Variants in PDE5A observed in about 807,000 individuals in gnomAD.
The protein encoded by PDE5A is phosphodiesterase 5A.
In PDE5A, 67 loss-of-function variants were observed where a neutral mutation model predicts 110.2. The ratio of observed to expected loss-of-function variants is 0.61; its 90% CI spans 0.50 to 0.75. The LOEUF is 0.75. Ranked by LOEUF, PDE5A falls within the 30% of genes least tolerant of loss-of-function variation. The pLI is 0.00. For synonymous variants in PDE5A, 328 were observed against 351.2 expected, an observed-to-expected ratio of 0.93 and a Z score of 0.74; for missense variants, 862 against 1,045.1, an observed-to-expected ratio of 0.82 and a Z score of 2.42.
intron 11 of PDE5A, among the ~76,000 whole-genome samples, chr4:119,533,109 TA>T (rs1726604505): frequency 6.6e-6 from 1 of 152,198 alleles, no homozygotes; most frequent in African/African-American, 2.4e-5. Flanking sequence ...TATTTTGTTA[TA>T]TTGCTCCTTG....
At chr4:119,611,031 G>A (rs1003261829) in intron 1 of PDE5A, among the ~76,000 whole-genome samples, 11 of 151,996 alleles carry the variant, frequency 7.2e-5, no homozygotes, top group African/African-American at 9.7e-5. Context: ...GGTTCCTCTC[G>A]CCCATGCCAG....
intron 2 of PDE5A, among the ~76,000 whole-genome samples, chr4:119,601,562 C>T (rs539969424): frequency 2.0e-5 from 3 of 151,954 alleles, no homozygotes; most frequent in South Asian, 2.1e-4. Context: ...TCTTGAGTTC[C>T]GTGGGTCATT....
At chr4:119,608,984 C>A (rs562943566) in intron 1 of PDE5A, among the ~76,000 whole-genome samples, 3 of 152,024 alleles carry the variant, frequency 2.0e-5, no homozygotes, top group East Asian at 1.9e-4. Context: ...CATGGTGAAA[C>A]CCCGTCTCTA....
chr4:119,624,141 C>T (rs573903156), intron 1 of PDE5A, among the ~76,000 whole-genome samples: 2 of 152,156 alleles, frequency 1.3e-5, no homozygotes, highest in South Asian at 4.2e-4. Context: ...ACCAGAATTA[C>T]CATTATAAAA....
Position 119,606,745 on chromosome 4 carries a change from C to A in PDE5A, c.705G>T (p.Ala235=). 2.5e-6 allele frequency: 4 copies of A among 1,614,146 alleles called. No individual in the cohort carries two copies. The highest frequency in any genetic ancestry group is 2.2e-5 in the East Asian group (1 of 44,886). The change falls in exon 2 of 21, where the codon GCG becomes GCT. Residue 235 remains alanine (A), a synonymous_variant. Transcript: ENST00000354960. ...CTTTGATGTTCAAGGGCTCACCAAG[C>A]GCTGCCACATGTCCCACAATGCCTT... is the stretch of plus-strand genomic sequence containing the variant. ...WNKGIVGHVA[A]LGEPLNIKDA...
intron 1 of PDE5A, among the ~76,000 whole-genome samples, chr4:119,613,357 T>G (rs1436256138): frequency 6.6e-6 from 1 of 152,192 alleles, no homozygotes; most frequent in Admixed American, 6.5e-5. Flanking sequence ...TTTGATAGAA[T>G]TAACTTTAAT....
rs1266863941 is a variant in PDE5A at position 119,496,669 on chromosome 4, ATTC to A, written c.*1929_*1931del. Reference sequence around the variant, plus strand: ...ATAAAAAGGTTTATTAAAGATTGCTATTCTTTATGCAATTTTTCTATACTAAGG... The same window carrying A: ...ATAAAAAGGTTTATTAAAGATTGCTATTTATGCAATTTTTCTATACTAAGG... On this transcript the variant is annotated 3_prime_UTR_variant, in exon 21 of 21. Transcript: ENST00000354960. 2.0e-5 allele frequency: 3 copies of A among 152,470 alleles called. No homozygotes were observed. Among genetic ancestry groups the A allele is most frequent in the African/African-American group, 2.4e-5 (1 of 41,448 alleles). The allele number at this position is 152,470 out of a possible 1,614,324, so 9.4% of individuals were successfully genotyped here. A position where few individuals can be genotyped will look rare whatever the true frequency, so the allele number is the denominator to read the frequency against.
intron 1 of PDE5A, among the ~76,000 whole-genome samples, chr4:119,607,950 C>T (rs955979814): frequency 6.6e-6 from 1 of 152,076 alleles, no homozygotes; most frequent in African/African-American, 2.4e-5. Context: ...TAAATATGCA[C>T]ATTAATTTGA....
intron 3 of PDE5A, among the ~76,000 whole-genome samples, chr4:119,580,754 C>T (rs887260273): frequency 1.3e-5 from 2 of 152,218 alleles, no homozygotes; most frequent in Admixed American, 6.5e-5. Flanking sequence ...CAAAGTCAGA[C>T]CTCTTTCTTT....
Position 119,606,890 on chromosome 4 carries a change from A to G in PDE5A, c.560T>C (p.Leu187Pro). The change falls in exon 2 of 21, where the codon CTG (leucine) becomes CCG (proline). Residue 187 changes from leucine (L) to proline (P), a missense_variant. Leu to Pro is a moderately conservative substitution (Grantham distance 98). Transcript: ENST00000354960. ...GGAGCTGTCTTCACAGACAAGGAAC[A>G]GGGAATAGCGGTCAGCAGATATCAG... ...HGLISADRYS[L>P]FLVCEDSSND... 1.2e-6 allele frequency: 2 copies of G among 1,614,282 alleles called. No individual in the cohort carries two copies. The highest frequency in any genetic ancestry group is 1.7e-6 in the Non-Finnish European group (2 of 1,180,048).
intron 3 of PDE5A, among the ~76,000 whole-genome samples, chr4:119,592,726 T>A (rs1052276229): frequency 2.6e-5 from 4 of 152,122 alleles, no homozygotes; most frequent in African/African-American, 9.7e-5. Context: ...GATTTTCAAA[T>A]TAGGTATACT....
chr4:119,536,160 G>T (rs1158218617), intron 11 of PDE5A, among the ~76,000 whole-genome samples: 1 of 152,110 alleles, frequency 6.6e-6, no homozygotes, highest in Non-Finnish European at 1.5e-5. Flanking sequence ...GCAATTTTCA[G>T]TTATTCAAAA....
Position 119,519,157 on chromosome 4 carries a change from T to C in PDE5A, c.1906-18A>G. On this transcript the variant is annotated intron_variant, in intron 13 of 20. Transcript: ENST00000354960. ...AGCTTGTTCTGCATGACCAAAGACA[T>C]TGGAGGAAAGAGAGAACAAATATAA... 6.3e-7 allele frequency: 1 copy of C among 1,579,356 alleles called. No individual in the cohort carries two copies. Among genetic ancestry groups the C allele is most frequent in the Non-Finnish European group, 8.7e-7 (1 of 1,148,450 alleles).
chr4:119,557,020 A>C (rs941770496), intron 7 of PDE5A, among the ~76,000 whole-genome samples: 7 of 115,046 alleles, frequency 6.1e-5, no homozygotes, highest in Non-Finnish European at 1.4e-4. Context: ...AATTGTAGAA[A>C]GAGTAGCTGA....
chr4:119,628,111 A>C, intron 1 of PDE5A: 2 of 828,298 alleles, frequency 2.4e-6, no homozygotes, highest in Non-Finnish European at 2.9e-6. Context: ...CGGAGCCATC[A>C]AGACCGACTT....
chr4:119,537,245 T>C (rs913163112), intron 11 of PDE5A, among the ~76,000 whole-genome samples: 1 of 152,148 alleles, frequency 6.6e-6, no homozygotes, highest in East Asian at 1.9e-4. Flanking sequence ...ACATCCTTCA[T>C]AGCTGCTCCT....
chr4:119,504,414 C>A, intron 18 of PDE5A, 122 bp downstream of exon 18: 1 of 687,630 alleles, frequency 1.5e-6, no homozygotes. Context: ...CTGTGATGAA[C>A]ATATAAGTGT....
chr4:119,542,904 T>A (rs997852075), intron 9 of PDE5A, among the ~76,000 whole-genome samples: 1 of 152,108 alleles, frequency 6.6e-6, no homozygotes, highest in African/African-American at 2.4e-5. Context: ...GAATTTTAGA[T>A]CAGTTGAGTC....
rs1724998720 is a variant in PDE5A at position 119,494,714 on chromosome 4, T to C, written c.*3887A>G. The C allele has an allele frequency of 6.6e-6, 1 of 152,580 alleles. No individual in the cohort carries two copies. The highest frequency in any genetic ancestry group is 1.5e-5 in the Non-Finnish European group (1 of 68,022). The allele number at this position is 152,580 out of a possible 1,614,324, so 9.5% of individuals were successfully genotyped here. A position where few individuals can be genotyped will look rare whatever the true frequency, so the allele number is the denominator to read the frequency against. On this transcript the variant is annotated 3_prime_UTR_variant, in exon 21 of 21. Coordinates refer to ENST00000354960, the MANE Select transcript of PDE5A (RefSeq NM_001083.4). The stretch of plus-strand genomic sequence containing the variant: ...CAGAAACTATATTTGTTCAAATATA[T>C]TGAAAAGGTATAAGAATACAAATAG...
Sources: allele counts gnomAD v4.1 joint callset (sites outside exome capture counted in the v4.1 genomes callset), GRCh38; gene constraint gnomAD v4.1.1; transcripts MANE v1.5; gene names NCBI Gene and HGNC (gene_info 2026-07-23, HGNC 2026-07-21).